The following RAI14 variants were observed in gnomAD, a reference collection of about 807,000 sequenced individuals.
RAI14 encodes ankycorbin.
RAI14 carries 45 observed loss-of-function variants against 115.4 expected under a neutral mutation model. That is an observed-to-expected ratio of 0.39 (90% confidence interval 0.31 to 0.50). RAI14 has a LOEUF of 0.50. Among genes scored for constraint, RAI14 ranks in the 20% least tolerant of loss-of-function variants. RAI14 has a pLI of 0.85. For missense variants in RAI14, 939 were observed against 1,131.2 expected (o/e 0.83, Z 2.44); for synonymous variants, 371 against 415.4 (o/e 0.89, Z 1.30).
Position 34,686,918 on chromosome 5 carries a change from A to C in RAI14, c.-2A>C. On this transcript the variant is annotated 5_prime_UTR_variant, in exon 2 of 18. Transcript: ENST00000265109. ...AGCTTTGGAAGGCTGAATGCACTAA[A>C]CATGAAGAGCTTGAAAGCGAAGTTC... 6.2e-7 allele frequency: 1 copy of C among 1,613,752 alleles called. No homozygotes were observed. Among genetic ancestry groups the C allele is most frequent in the South Asian group, 1.1e-5 (1 of 90,950 alleles).
At chr5:34,732,751 A>G (rs190865713) in intron 2 of RAI14, among the ~76,000 whole-genome samples, 1 of 147,128 alleles carries the variant, frequency 6.8e-6, no homozygotes, top group East Asian at 2.0e-4. Flanking sequence ...AAAGTCATAT[A>G]TATGTATACA....
chr5:34,757,352 A>G, intron 2 of RAI14, 116 bp from the exon 3 acceptor site: 2 of 1,180,942 alleles, frequency 1.7e-6, no homozygotes, highest in Non-Finnish European at 2.5e-6. Context: ...CTCATTCGGG[A>G]GCAGGCTTTA....
chr5:34,727,737 A>G (rs1743652871), intron 2 of RAI14, among the ~76,000 whole-genome samples: 1 of 152,164 alleles, frequency 6.6e-6, no homozygotes, highest in South Asian at 2.1e-4. Context: ...CCCAGAAATC[A>G]AGAATTGAGG....
intron 2 of RAI14, among the ~76,000 whole-genome samples, chr5:34,691,987 G>A (rs1363458290): frequency 3.3e-5 from 5 of 152,206 alleles, no homozygotes; most frequent in African/African-American, 1.2e-4. Context: ...TGGCGGTGGG[G>A]TGTGGTGGCT....
intron 1 of RAI14, among the ~76,000 whole-genome samples, chr5:34,663,990 T>C (rs1364239102): frequency 1.3e-5 from 2 of 152,136 alleles, no homozygotes; most frequent in Non-Finnish European, 2.9e-5. Context: ...GAAATTAGTC[T>C]TGCCGTATAA....
chr5:34,808,768 CAG>C (rs886777601), intron 7 of RAI14, 114 bp downstream of exon 7: 11 of 994,732 alleles, frequency 1.1e-5, no homozygotes, highest in East Asian at 7.7e-5. Context: ...TTTTTGGCAT[CAG>C]GGGCTGATTT....
chr5:34,674,678 A>G (rs921237538), intron 1 of RAI14, among the ~76,000 whole-genome samples: 2 of 148,084 alleles, frequency 1.4e-5, no homozygotes, highest in Non-Finnish European at 3.0e-5. Flanking sequence ...TCCGCCTCCC[A>G]GATTCAAGCG....
At chr5:34,707,705 C>T (rs1740878138) in intron 2 of RAI14, among the ~76,000 whole-genome samples, 1 of 152,322 alleles carries the variant, frequency 6.6e-6, no homozygotes, top group East Asian at 1.9e-4. Context: ...AGTACCTCGT[C>T]AAAATTTATC....
intron 14 of RAI14, 138 bp downstream of exon 14, chr5:34,821,988 ATTAT>A (rs1248277128): frequency 4.3e-6 from 2 of 460,530 alleles, no homozygotes; most frequent in Non-Finnish European, 7.7e-6. Context: ...ATAGTTTCAG[ATTAT>A]TTGTTTCATG....
intron 1 of RAI14, among the ~76,000 whole-genome samples, chr5:34,666,780 C>T (rs1027511517): frequency 1.3e-5 from 2 of 152,180 alleles, no homozygotes; most frequent in African/African-American, 4.8e-5. Context: ...AGGCACTTTG[C>T]TGCTGGACTG....
intron 12 of RAI14, among the ~76,000 whole-genome samples, chr5:34,815,332 G>A (rs2150273077): frequency 6.6e-6 from 1 of 151,578 alleles, no homozygotes; most frequent in East Asian, 1.9e-4. Context: ...AGTGAGCCGA[G>A]ATCGCGCCAC....
intron 8 of RAI14, among the ~76,000 whole-genome samples, 188 bp downstream of exon 8, chr5:34,811,306 T>A (rs1357360046): frequency 6.6e-6 from 1 of 152,222 alleles, no homozygotes; most frequent in South Asian, 2.1e-4. Flanking sequence ...TCCCCAGACA[T>A]CTGTGGACAT....
chr5:34,686,607 A>G (rs1744905692), intron 1 of RAI14, among the ~76,000 whole-genome samples: 1 of 152,202 alleles, frequency 6.6e-6, no homozygotes, highest in Non-Finnish European at 1.5e-5. Context: ...TTACACCATA[A>G]AAGTATATAC....
chr5:34,720,040 A>G (rs556091263), intron 2 of RAI14, among the ~76,000 whole-genome samples: 9 of 152,234 alleles, frequency 5.9e-5, no homozygotes, highest in Non-Finnish European at 1.2e-4. Flanking sequence ...GTGTTTGGAA[A>G]GCTACCTTAG....
chr5:34,688,105 C>T (rs899108375), intron 2 of RAI14: 1 of 1,502,468 alleles, frequency 6.7e-7, no homozygotes, highest in East Asian at 2.5e-5. Flanking sequence ...AAAGAGACTT[C>T]GACAAAGACA....
At chr5:34,709,627 C>T (rs1741150415) in intron 2 of RAI14, among the ~76,000 whole-genome samples, 1 of 152,158 alleles carries the variant, frequency 6.6e-6, no homozygotes, top group South Asian at 2.1e-4. Flanking sequence ...TTCTTAACCC[C>T]ACTGCACATT....
At chr5:34,663,981 A>C (rs1467546650) in intron 1 of RAI14, among the ~76,000 whole-genome samples, 4 of 152,056 alleles carry the variant, frequency 2.6e-5, no homozygotes, top group African/African-American at 7.2e-5. Flanking sequence ...CATTCACTGG[A>C]AATTAGTCTT....
At chr5:34,738,057 T>C (rs1285501862) in intron 2 of RAI14, among the ~76,000 whole-genome samples, 1 of 152,182 alleles carries the variant, frequency 6.6e-6, no homozygotes, top group Non-Finnish European at 1.5e-5. Flanking sequence ...TGTCTGCTCA[T>C]ATTTATAGAG....
intron 3 of RAI14, among the ~76,000 whole-genome samples, chr5:34,784,601 A>G (rs1427363598): frequency 6.6e-6 from 1 of 152,236 alleles, no homozygotes; most frequent in Admixed American, 6.5e-5. Context: ...ATAAGGAGTT[A>G]GAGTCCATGA....
Sources: allele counts gnomAD v4.1 joint callset (sites outside exome capture counted in the v4.1 genomes callset), GRCh38; gene constraint gnomAD v4.1.1; transcripts MANE v1.5; gene names NCBI Gene and HGNC (gene_info 2026-07-23, HGNC 2026-07-21).